The following ZFYVE9 variants were observed in gnomAD, a reference collection of about 807,000 sequenced individuals.
ZFYVE9 encodes the protein zinc finger FYVE-type containing 9.
A neutral mutation model predicts 126.7 loss-of-function variants in ZFYVE9; 43 were observed. The ratio of observed to expected loss-of-function variants is 0.34; its 90% CI spans 0.27 to 0.44. The LOEUF is 0.44. Among genes scored for constraint, ZFYVE9 ranks in the 20% least tolerant of loss-of-function variants. ZFYVE9 has a pLI of 1.00. For synonymous variants in ZFYVE9, 521 were observed against 597.4 expected, an observed-to-expected ratio of 0.87 and a Z score of 1.87; for missense variants, 1,476 against 1,697.0, an observed-to-expected ratio of 0.87 and a Z score of 2.29.
chr1:52,218,813 G>T (rs189853305), intron 2 of ZFYVE9, among the ~76,000 whole-genome samples: 4 of 152,128 alleles, frequency 2.6e-5, no homozygotes, highest in South Asian at 2.1e-4. Flanking sequence ...AGCGGGTAAT[G>T]GGGGGAGATG....
intron 7 of ZFYVE9, among the ~76,000 whole-genome samples, chr1:52,269,255 A>G (rs346567): frequency 6.6e-6 from 1 of 151,780 alleles, no homozygotes; most frequent in African/African-American, 2.4e-5. Context: ...TCAGCCTCCA[A>G]AGTAGGTGGG....
At chr1:52,345,945 T>A in intron 18 of ZFYVE9, 115 bp from the exon 19 acceptor site, 1 of 1,064,332 alleles carries the variant, frequency 9.4e-7, no homozygotes, top group Non-Finnish European at 1.3e-6. Flanking sequence ...CACTGCCATA[T>A]GTTTAGCCTA....
chr1:52,323,593 C>G (rs1024538618), intron 13 of ZFYVE9, among the ~76,000 whole-genome samples: 5 of 151,564 alleles, frequency 3.3e-5, no homozygotes, highest in African/African-American at 1.2e-4. Context: ...GGGCACATAG[C>G]GTGAGACCTC....
At chr1:52,314,555 C>T (rs112992114) in intron 13 of ZFYVE9, among the ~76,000 whole-genome samples, 5,236 of 152,210 alleles carry the variant, frequency 0.034, 332 homozygotes, top group African/African-American at 0.12. Context: ...CTGTGGCTCA[C>T]GCCTGTAATC....
chr1:52,333,809 A>G (rs926574965), intron 14 of ZFYVE9, among the ~76,000 whole-genome samples: 2 of 137,732 alleles, frequency 1.5e-5, no homozygotes, highest in Admixed American at 6.8e-5. Flanking sequence ...AAAAAAAAAA[A>G]GCAGGGCATG....
chr1:52,208,459 C>T (rs1644996725), intron 1 of ZFYVE9, among the ~76,000 whole-genome samples: 1 of 151,242 alleles, frequency 6.6e-6, no homozygotes, highest in Admixed American at 6.6e-5. Flanking sequence ...GAATAGACAG[C>T]ACAAAACCTT....
intron 8 of ZFYVE9, among the ~76,000 whole-genome samples, chr1:52,276,707 G>T (rs1342578061): frequency 6.6e-6 from 1 of 152,104 alleles, no homozygotes; most frequent in African/African-American, 2.4e-5. Context: ...CAGCTTAATG[G>T]TTAATTCTTC....
At chr1:52,325,848 C>G (rs1646286692) in intron 13 of ZFYVE9, among the ~76,000 whole-genome samples, 1 of 152,198 alleles carries the variant, frequency 6.6e-6, no homozygotes, top group Admixed American at 6.5e-5. Flanking sequence ...ATTTTTTAAA[C>G]ATGAGATCTC....
chr1:52,294,284 T>C (rs1473092617), intron 11 of ZFYVE9, among the ~76,000 whole-genome samples: 1 of 152,244 alleles, frequency 6.6e-6, no homozygotes, highest in Non-Finnish European at 1.5e-5. Context: ...TCTGTAACTT[T>C]GGGCAAGTCA....
At chr1:52,304,859 C>A (rs1646067938) in intron 13 of ZFYVE9, among the ~76,000 whole-genome samples, 1 of 151,546 alleles carries the variant, frequency 6.6e-6, no homozygotes, top group African/African-American at 2.4e-5. Flanking sequence ...TTCTGGGATA[C>A]AACTAGCAGT....
At chr1:52,276,553 A>C (rs923445634) in intron 8 of ZFYVE9, among the ~76,000 whole-genome samples, 2 of 152,218 alleles carry the variant, frequency 1.3e-5, no homozygotes, top group Admixed American at 1.3e-4. Flanking sequence ...ATTAAGTTAG[A>C]TATCATACCT....
At chr1:52,303,773 C>T in intron 12 of ZFYVE9, 48 bp from the exon 13 acceptor site, 1 of 1,206,488 alleles carries the variant, frequency 8.3e-7, no homozygotes, top group Non-Finnish European at 1.1e-6. Context: ...AAATTAAACC[C>T]TACCATTGAT....
At chr1:52,193,414 A>T (rs1420409294) in intron 1 of ZFYVE9, among the ~76,000 whole-genome samples, 1 of 119,914 alleles carries the variant, frequency 8.3e-6, no homozygotes, top group Non-Finnish European at 1.8e-5. Context: ...AAAAAAAAAA[A>T]GGATACACAT....
intron 4 of ZFYVE9, among the ~76,000 whole-genome samples, chr1:52,256,152 A>G (rs943765691): frequency 6.8e-6 from 1 of 147,148 alleles, no homozygotes; most frequent in East Asian, 2.0e-4. Context: ...TGCAGTCTCC[A>G]CCTCCTGGGT....
chr1:52,336,365 TTTG>T lies in ZFYVE9; in HGVS notation c.3671-1404_3671-1402del, dbSNP rs1265801825. Among the ~76,000 whole-genome samples, 619 of 124,110 alleles carry T rather than the reference TTTG, an allele frequency of 5.0e-3. 44 individuals are homozygous for T. The highest frequency in any genetic ancestry group is 0.02 in the African/African-American group (562 of 28,104). 81.4% of individuals were successfully genotyped at this position (124,110 alleles called of 152,430 possible). On this transcript the variant is annotated intron_variant, in intron 15 of 18. Coordinates refer to ENST00000287727, the MANE Select transcript of ZFYVE9 (RefSeq NM_004799.4). ...TTGTTATGAAATCTAAGAGGTTTTT[TTTG>T]TTTTTTTTTTTTTTTTTTTAAGATG...
rs1342564236 is a variant in ZFYVE9, at chr1:52,277,064, C to T, written c.2747-1428C>T. On this transcript the variant is annotated intron_variant, in intron 8 of 18. Coordinates refer to ENST00000287727, the MANE Select transcript of ZFYVE9 (RefSeq NM_004799.4). ...TAATGCTTTTGCTTCTTTACCAGGA[C>T]CCTGTAAAAATATCTACTGTTAGTA... is the stretch of plus-strand genomic sequence containing the variant. Among the ~76,000 whole-genome samples, 3 of 152,106 alleles carry T rather than the reference C, an allele frequency of 2.0e-5. No homozygotes were observed. In the East Asian group the frequency reaches 5.8e-4, roughly 29 times the overall value.
At chr1:52,277,667 T>C (rs989671532) in intron 8 of ZFYVE9, among the ~76,000 whole-genome samples, 7 of 152,338 alleles carry the variant, frequency 4.6e-5, no homozygotes, top group Non-Finnish European at 8.8e-5. Flanking sequence ...ATATGCATTT[T>C]ATATAAGACC....
intron 13 of ZFYVE9, among the ~76,000 whole-genome samples, chr1:52,316,804 C>T (rs116191363): frequency 0.019 from 2,923 of 152,194 alleles, 85 homozygotes; most frequent in African/African-American, 0.065. Flanking sequence ...AGAAAATCAG[C>T]GGGACTATGG....
At chr1:52,296,775 G>A (rs1396894372) in intron 12 of ZFYVE9, among the ~76,000 whole-genome samples, 3 of 151,802 alleles carry the variant, frequency 2.0e-5, no homozygotes, top group Non-Finnish European at 4.4e-5. Flanking sequence ...ATGTTCCATA[G>A]CAAGTAAACT....
Sources: gnomAD v4.1 joint callset for allele counts (sites outside exome capture counted in the v4.1 genomes callset) on GRCh38, gnomAD v4.1.1 for gene constraint, MANE v1.5 for transcripts, NCBI Gene and HGNC (gene_info 2026-07-23, HGNC 2026-07-21) for gene names.